Variants in MEOX1 observed in about 807,000 individuals in gnomAD.
MEOX1 encodes the protein homeobox protein MOX-1.
A neutral mutation model predicts 23.2 loss-of-function variants in MEOX1; 17 were observed. The observed-to-expected ratio is 0.73, with a 90% confidence interval of 0.50 to 1.10. The LOEUF is 1.10. MEOX1 is among the 50% of genes least tolerant of loss of function. MEOX1 has a pLI of 0.00. For synonymous variants in MEOX1, 134 were observed against 135.1 expected (o/e 0.99, Z 0.06); for missense variants, 333 against 332.2 (o/e 1.00, Z -0.02).
chr17:43,641,784 C>T lies in MEOX1; in HGVS notation c.*126G>A. 9.7e-7 allele frequency: 1 copy of T among 1,027,838 alleles called. No homozygotes were observed. Among genetic ancestry groups the T allele is most frequent in the Non-Finnish European group, 1.4e-6 (1 of 708,866 alleles). The allele number at this position is 1,027,838 out of a possible 1,614,324, so 63.7% of individuals were successfully genotyped here. A position where few individuals can be genotyped will look rare whatever the true frequency, so the allele number is the denominator to read the frequency against. On this transcript the variant is annotated 3_prime_UTR_variant, in exon 3 of 3. Transcript: ENST00000318579. ...CAGGAATGCTGGGCAGTTTCATATC[C>T]AAGAGTCAGGGAAAGATGTGGAGAG...
At chr17:43,642,659 G>C (rs971200232) in intron 2 of MEOX1, among the ~76,000 whole-genome samples, 3 of 149,612 alleles carry the variant, frequency 2.0e-5, no homozygotes, top group African/African-American at 7.7e-5. Flanking sequence ...GGGTGTGGGG[G>C]TGTGGGGTGG....
At chr17:43,643,159 A>G (rs892954581) in intron 2 of MEOX1, among the ~76,000 whole-genome samples, 5 of 151,906 alleles carry the variant, frequency 3.3e-5, no homozygotes, top group African/African-American at 4.8e-5. Flanking sequence ...AAAAAAAAAC[A>G]AAAATTAGCC....
At chr17:43,649,338 C>G (rs1191953026) in intron 1 of MEOX1, among the ~76,000 whole-genome samples, 1 of 140,542 alleles carries the variant, frequency 7.1e-6, no homozygotes, top group Non-Finnish European at 1.5e-5. Context: ...ACTTTGGTCA[C>G]CCAGGCTGGA....
rs1232654831 is a variant in MEOX1, at chr17:43,661,207, C to T, written c.328G>A (p.Ala110Thr). The T allele has an allele frequency of 6.2e-7, 1 of 1,608,334 alleles. No individual in the cohort carries two copies. The highest frequency in any genetic ancestry group is 8.5e-7 in the Non-Finnish European group (1 of 1,177,074). ...GTCCCCATTTCCTTGGAACCCCCTG[C>T]CGGGCCTGAGTTGGGCCTGCGCCGG... ...DARRRPNSGP[A>T]GGSKEMGTSS... is the part of the protein sequence containing the mutation. The change falls in exon 1 of 3, where the codon GCA becomes ACA. Residue 110 changes from alanine (A) to threonine (T), a missense_variant. Physicochemically the swap from Ala to Thr is moderately conservative, Grantham distance 58. Transcript: ENST00000318579.
chr17:43,657,051 T>TTTCTTTC lies in MEOX1; in HGVS notation c.469+4008_469+4014dup, dbSNP rs769043105. ...CTTTCTTTCTTTCTTTCTTTCTTTC[T>TTTCTTTC]TTCTTTCCTTCCTTCCTTCTTTCTT... is the stretch of plus-strand genomic sequence containing the variant. On this transcript the variant is annotated intron_variant, in intron 1 of 2. Transcript: ENST00000318579. Among the ~76,000 whole-genome samples the TTTCTTTC allele has an allele frequency of 7.8e-5, 11 of 140,528 alleles. No homozygotes were observed. In the Middle Eastern group the frequency reaches 0.01, roughly 131 times the overall value. The allele number at this position is 140,528 out of a possible 152,430, so 92.2% of individuals were successfully genotyped here.
At chr17:43,649,567 A>G (rs1003845770) in intron 1 of MEOX1, among the ~76,000 whole-genome samples, 2 of 152,164 alleles carry the variant, frequency 1.3e-5, no homozygotes, top group Non-Finnish European at 2.9e-5. Context: ...TCGGCCTCCC[A>G]AAGTGCTGAG....
chr17:43,659,422 T>A (rs1949212166), intron 1 of MEOX1, among the ~76,000 whole-genome samples: 2 of 152,026 alleles, frequency 1.3e-5, no homozygotes, highest in Non-Finnish European at 2.9e-5. Context: ...AGTTCCTATC[T>A]CCCATTGAAG....
At chr17:43,646,952 T>A (rs970006152) in intron 1 of MEOX1, among the ~76,000 whole-genome samples, 1 of 152,052 alleles carries the variant, frequency 6.6e-6, no homozygotes, top group Admixed American at 6.5e-5. Context: ...GCGCCATTGC[T>A]CTCCAGCCTG....
chr17:43,642,319 C>T lies in MEOX1; in HGVS notation c.643-287G>A, dbSNP rs8071162. 5.8e-3 allele frequency among the ~76,000 whole-genome samples: 888 copies of T among 152,266 alleles called. 6 individuals are homozygous for T. Among genetic ancestry groups the T allele is most frequent in the African/African-American group, 0.02 (812 of 41,560 alleles). On this transcript the variant is annotated intron_variant, in intron 2 of 2. Coordinates refer to ENST00000318579, the MANE Select transcript of MEOX1 (RefSeq NM_004527.4). ...CTTCACATGCCCTGCCCTGCCTGTGCCAGGTCCCCCTGCCCCCTACCTCCA... is the reference window on the plus strand; with the variant it reads ...CTTCACATGCCCTGCCCTGCCTGTGTCAGGTCCCCCTGCCCCCTACCTCCA...
Position 43,640,775 on chromosome 17 carries a change from A to C in MEOX1, c.*1135T>G, listed in dbSNP as rs1342539944. The C allele has an allele frequency of 6.6e-6, 1 of 152,058 alleles. No homozygotes were observed. Among genetic ancestry groups the C allele is most frequent in the Admixed American group, 6.6e-5 (1 of 15,262 alleles). The allele number at this position is 152,058 out of a possible 1,614,324, so 9.4% of individuals were successfully genotyped here. ...AGGTCTGGGCAGTCCACACACAAAA[A>C]CCTAGCATTTCCTCCCACAATAACA... is the stretch of plus-strand genomic sequence containing the variant. On this transcript the variant is annotated 3_prime_UTR_variant, in exon 3 of 3. Transcript: ENST00000318579.
intron 1 of MEOX1, among the ~76,000 whole-genome samples, chr17:43,646,061 T>C (rs1376493900): frequency 2.6e-5 from 4 of 152,100 alleles, no homozygotes; most frequent in Non-Finnish European, 5.9e-5. Flanking sequence ...AGGGGTGTCG[T>C]GGCACCCTGG....
At chr17:43,656,614 C>T (rs148953465) in intron 1 of MEOX1, among the ~76,000 whole-genome samples, 14 of 152,270 alleles carry the variant, frequency 9.2e-5, no homozygotes, top group Admixed American at 4.6e-4. Context: ...TGATTAAAGG[C>T]ATGTCTCAGC....
chr17:43,644,629 G>T (rs1972768316), intron 1 of MEOX1, among the ~76,000 whole-genome samples: 1 of 152,222 alleles, frequency 6.6e-6, no homozygotes, highest in South Asian at 2.1e-4. Context: ...CTGTTCAAAT[G>T]AAAAGTATGT....
intron 1 of MEOX1, among the ~76,000 whole-genome samples, chr17:43,650,350 G>T (rs1277950883): frequency 1.3e-5 from 2 of 152,174 alleles, no homozygotes; most frequent in African/African-American, 4.8e-5. Flanking sequence ...AGATTTTCTT[G>T]TTAGGAAGCT....
intron 1 of MEOX1, among the ~76,000 whole-genome samples, chr17:43,652,907 C>T (rs1219190204): frequency 1.4e-5 from 2 of 140,544 alleles, no homozygotes; most frequent in African/African-American, 5.2e-5. Context: ...TCTCGGCTCA[C>T]TGCAAGCTGT....
intron 1 of MEOX1, among the ~76,000 whole-genome samples, chr17:43,656,973 G>A (rs531035588): frequency 6.8e-5 from 10 of 147,060 alleles, no homozygotes; most frequent in African/African-American, 1.5e-4. Flanking sequence ...CTTTCTCCCC[G>A]TTTGTTCATT....
chr17:43,645,717 C>A (rs1251329612), intron 1 of MEOX1, among the ~76,000 whole-genome samples: 2 of 152,214 alleles, frequency 1.3e-5, no homozygotes, highest in African/African-American at 2.4e-5. Flanking sequence ...TAAGCAGCCG[C>A]ATTGGGAGTG....
At position 43,643,603 on chromosome 17, in the gene MEOX1, G is replaced by GTC. The variant is rs1567741951; in HGVS notation, c.525_526dup (p.Thr176ArgfsTer22). The GTC allele has an allele frequency of 6.2e-7, 1 of 1,613,362 alleles. No homozygotes were observed. The highest frequency in any genetic ancestry group is 8.5e-7 in the Non-Finnish European group (1 of 1,179,820). On this transcript the variant is annotated frameshift_variant, in exon 2 of 3. Transcript: ENST00000318579. LOFTEE classifies it high-confidence loss of function. ...TCGCAGCTGCTCCTTGGTGAAGGCCGTCCTCTCCTTGCGGGCTTTGCTGCT... is the reference window on the plus strand; with the variant it reads ...TCGCAGCTGCTCCTTGGTGAAGGCCGTCTCCTCTCCTTGCGGGCTTTGCTGCT...
In MEOX1 at chr17:43,642,896, C is replaced by T. The variant is rs73984022; in HGVS notation, c.642+592G>A. Reference sequence around the variant, plus strand: ...TTGGGAATAGCCAGACCGTAGGTCCCAACCTAGCTGCATGTGAGAATCACC... The same window carrying T: ...TTGGGAATAGCCAGACCGTAGGTCCTAACCTAGCTGCATGTGAGAATCACC... On this transcript the variant is annotated intron_variant, in intron 2 of 2. Coordinates refer to ENST00000318579, the MANE Select transcript of MEOX1 (RefSeq NM_004527.4). Among the ~76,000 whole-genome samples the T allele has an allele frequency of 6.9e-3, 1,054 of 152,304 alleles. 11 individuals carry two copies. The highest frequency in any genetic ancestry group is 0.023 in the African/African-American group (939 of 41,556).
Sources: gnomAD v4.1 joint callset for allele counts (sites outside exome capture counted in the v4.1 genomes callset) on GRCh38, gnomAD v4.1.1 for gene constraint, MANE v1.5 for transcripts, NCBI Gene and HGNC (gene_info 2026-07-23, HGNC 2026-07-21) for gene names.